PHACTR3: variants seen among roughly 807,000 people sequenced by gnomAD.
PHACTR3 encodes protein phosphatase 1, regulatory subunit 123.
In PHACTR3, 16 loss-of-function variants were observed where a neutral mutation model predicts 66.8. The observed-to-expected ratio is 0.24, with a 90% confidence interval of 0.16 to 0.36. The LOEUF is 0.36. PHACTR3 is among the 10% of genes least tolerant of loss of function. The pLI, the probability that PHACTR3 is intolerant of heterozygous loss-of-function variation, is 1.00. For synonymous variants in PHACTR3, 323 were observed against 292.1 expected, an observed-to-expected ratio of 1.11 and a Z score of -1.08; for missense variants, 647 against 719.9, an observed-to-expected ratio of 0.90 and a Z score of 1.16.
rs753718587 is a variant in PHACTR3, at chr20:59,806,079, G to A, written c.1213G>A (p.Val405Met). 44 of 1,614,084 alleles carry A rather than the reference G, an allele frequency of 2.7e-5. No individual in the cohort carries two copies. The highest frequency in any genetic ancestry group is 7.7e-5 in the South Asian group (7 of 91,090). The change falls in exon 8 of 13, where the codon GTG becomes ATG. Residue 405 changes from valine (V) to methionine (M), a missense_variant. Around this residue, in one of 2 missense-constraint regions of PHACTR3, gnomAD observed 577 missense variants for 571.1 expected, o/e 1.01. Transcript: ENST00000371015. The part of the protein sequence containing the change: ...PRKCKKELLA[V>M]KLRNRPSKQE... Reference sequence around the variant, plus strand: ...GAAATGCAAGAAGGAGCTCCTGGCCGTGAAGCTAAGGAACCGGCCAAGCAA... The same window carrying A: ...GAAATGCAAGAAGGAGCTCCTGGCCATGAAGCTAAGGAACCGGCCAAGCAA...
intron 2 of PHACTR3, among the ~76,000 whole-genome samples, chr20:59,746,813 G>A (rs117599281): frequency 0.022 from 3,385 of 152,320 alleles, 59 homozygotes; most frequent in Non-Finnish European, 0.035. Flanking sequence ...TGAGCAGGGC[G>A]GGCACTGCTT....
chr20:59,689,379 A>C (rs1284358616), intron 1 of PHACTR3, among the ~76,000 whole-genome samples: 1 of 152,212 alleles, frequency 6.6e-6, no homozygotes, highest in Non-Finnish European at 1.5e-5. Flanking sequence ...GGTGTGTCAA[A>C]TGTAGAGTGA....
At chr20:59,672,928 G>A (rs2146512238) in intron 1 of PHACTR3, among the ~76,000 whole-genome samples, 1 of 152,318 alleles carries the variant, frequency 6.6e-6, no homozygotes, top group East Asian at 1.9e-4. Context: ...GCTTAGCCTA[G>A]GCTGTGGTGG....
chr20:59,659,431 T>C (rs1744109741), intron 1 of PHACTR3, among the ~76,000 whole-genome samples: 1 of 146,116 alleles, frequency 6.8e-6, no homozygotes, highest in African/African-American at 2.6e-5. Context: ...GGAGTCCAGT[T>C]GTGCAATCTC....
At chr20:59,727,401 C>T (rs921388565) in intron 1 of PHACTR3, among the ~76,000 whole-genome samples, 4 of 152,050 alleles carry the variant, frequency 2.6e-5, no homozygotes, top group Non-Finnish European at 4.4e-5. Flanking sequence ...TGTAAAAGTG[C>T]CAGTCGTGTA....
chr20:59,721,333 G>A (rs2038285357), intron 1 of PHACTR3: 1 of 152,244 alleles, frequency 6.6e-6, no homozygotes, highest in Non-Finnish European at 1.5e-5. Flanking sequence ...CTGACTTTGT[G>A]GAGATTCTGT....
intron 1 of PHACTR3, among the ~76,000 whole-genome samples, chr20:59,630,446 G>C (rs570554910): frequency 1.5e-4 from 23 of 152,320 alleles, no homozygotes; most frequent in African/African-American, 5.1e-4. Flanking sequence ...GCCTCCCAAA[G>C]TGCTGGGATT....
intron 1 of PHACTR3, among the ~76,000 whole-genome samples, chr20:59,687,165 G>C (rs1216306921): frequency 4.0e-5 from 6 of 150,918 alleles, no homozygotes; most frequent in Non-Finnish European, 7.5e-5. Flanking sequence ...TGGTGATTGT[G>C]ATGGTGGTGG....
chr20:59,610,501 A>C (rs532065112), intron 1 of PHACTR3, among the ~76,000 whole-genome samples: 1 of 152,362 alleles, frequency 6.6e-6, no homozygotes, highest in South Asian at 2.1e-4. Context: ...TTTGTTTATT[A>C]GACAAACTTG....
At chr20:59,682,946 G>T (rs2036721041) in intron 1 of PHACTR3, among the ~76,000 whole-genome samples, 1 of 152,190 alleles carries the variant, frequency 6.6e-6, no homozygotes, top group Non-Finnish European at 1.5e-5. Context: ...GAGGGTTTGA[G>T]ATTTAATTAT....
intron 1 of PHACTR3, among the ~76,000 whole-genome samples, chr20:59,587,848 C>G (rs1360888781): frequency 6.6e-6 from 1 of 152,212 alleles, no homozygotes; most frequent in African/African-American, 2.4e-5. Flanking sequence ...ACCTTCAAGG[C>G]CAGCAAGGGT....
intron 1 of PHACTR3, among the ~76,000 whole-genome samples, chr20:59,644,611 G>A (rs752294117): frequency 4.7e-4 from 72 of 152,172 alleles, no homozygotes; most frequent in South Asian, 2.1e-4. Context: ...TTGGCGGTAC[G>A]AGACAGAAGC....
chr20:59,837,453 C>T (rs967134492), intron 9 of PHACTR3, among the ~76,000 whole-genome samples: 1 of 152,144 alleles, frequency 6.6e-6, no homozygotes, highest in African/African-American at 2.4e-5. Context: ...TTGATTCCTC[C>T]CTCCTTTCTT....
intron 11 of PHACTR3, 78 bp downstream of exon 11, chr20:59,841,613 C>A: frequency 6.8e-7 from 1 of 1,463,492 alleles, no homozygotes; most frequent in Non-Finnish European, 9.2e-7. Flanking sequence ...GGAGTTTATT[C>A]ATAGACAATG....
At chr20:59,676,076 T>C (rs2426807) in intron 1 of PHACTR3, among the ~76,000 whole-genome samples, 16,935 of 152,238 alleles carry the variant, frequency 0.11, 1,286 homozygotes, top group South Asian at 0.29. Context: ...GCCTCCCTGA[T>C]CTAAGACTTC....
intron 1 of PHACTR3, among the ~76,000 whole-genome samples, chr20:59,695,884 C>T (rs1343390080): frequency 6.6e-6 from 1 of 152,130 alleles, no homozygotes; most frequent in East Asian, 1.9e-4. Flanking sequence ...AGGCTCACCT[C>T]ACCACATCCA....
intron 2 of PHACTR3, among the ~76,000 whole-genome samples, chr20:59,747,273 A>C (rs1267429446): frequency 2.6e-5 from 4 of 152,204 alleles, no homozygotes; most frequent in Non-Finnish European, 4.4e-5. Context: ...TATTGGAAGA[A>C]GCTCTAGTGG....
chr20:59,674,491 T>TCCCCTTCTCCTGTTC (rs1258108174), intron 1 of PHACTR3, among the ~76,000 whole-genome samples: 3 of 102,064 alleles, frequency 2.9e-5, no homozygotes, highest in East Asian at 7.6e-4. Flanking sequence ...TTGTTCTCGT[T>TCCCCTTCTCCTGTTC]CCCCTTCTCC....
Position 59,755,281 on chromosome 20 carries a change from A to G in PHACTR3, c.458A>G (p.Gln153Arg), listed in dbSNP as rs543486448. The G allele has an allele frequency of 1.2e-6, 2 of 1,613,710 alleles. No homozygotes were observed. Among genetic ancestry groups the G allele is most frequent in the Admixed American group, 3.3e-5 (2 of 60,024 alleles). ...GAGACGCTGACTTCAGAAGATGCCC[A>G]GCCCGGAAGCCCCTTGGCCACTGGG... ...KSETLTSEDAQPGSPLATGTD... is the reference protein window; with the variant it reads ...KSETLTSEDARPGSPLATGTD... The change falls in exon 4 of 13, where the codon CAG becomes CGG. Residue 153 changes from glutamine to arginine, a missense_variant. Around this residue, in one of 2 missense-constraint regions of PHACTR3, gnomAD observed 577 missense variants for 571.1 expected, o/e 1.01. Transcript: ENST00000371015.
Sources: gnomAD v4.1 joint callset for allele counts (sites outside exome capture counted in the v4.1 genomes callset) on GRCh38, gnomAD v4.1.1 for gene constraint, gnomAD v4.1.1 regional missense constraint, MANE v1.5 for transcripts, NCBI Gene and HGNC (gene_info 2026-07-23, HGNC 2026-07-21) for gene names.